The following LSM5 variants were observed in gnomAD, a reference collection of about 807,000 sequenced individuals.
LSM5 encodes the protein LSM5 homolog, U6 small nuclear RNA and mRNA degradation associated.
LSM5 carries 8 observed loss-of-function variants against 13.8 expected under a neutral mutation model. The observed-to-expected ratio is 0.58, with a 90% CI of 0.34 to 1.04. The LOEUF is 1.04. LSM5 is among the 50% of genes least tolerant of loss of function. The pLI, the probability that LSM5 is intolerant of heterozygous loss-of-function variation, is 0.03. For missense variants in LSM5, 80 were observed against 108.1 expected, an observed-to-expected ratio of 0.74 and a Z score of 1.15; for synonymous variants, 35 against 37.0, an observed-to-expected ratio of 0.95 and a Z score of 0.20.
chr7:32,492,234 T>C (rs752811825), upstream of LSM5, among the ~76,000 whole-genome samples: 1 of 152,138 alleles, frequency 6.6e-6, no homozygotes, highest in Non-Finnish European at 1.5e-5. Flanking sequence ...TTTTAAAAAT[T>C]AGAAAAATAG....
chr7:32,489,640 C>T (rs1786527307), intron 1 of LSM5: 3 of 328,686 alleles, frequency 9.1e-6, no homozygotes, highest in African/African-American at 2.2e-5. Flanking sequence ...ATTATATTCA[C>T]CGGAAACTCT....
At position 32,485,850 on chromosome 7, in the gene LSM5, G is replaced by T. The variant is rs543540749; in HGVS notation, c.*1411C>A. 11 of 151,866 alleles carry T rather than the reference G, an allele frequency of 7.2e-5. No homozygotes were observed. Among genetic ancestry groups the T allele is most frequent in the African/African-American group, 2.2e-4 (9 of 41,332 alleles). 9.4% of individuals were successfully genotyped at this position (151,866 alleles called of 1,614,324 possible). On this transcript the variant is annotated 3_prime_UTR_variant, in exon 5 of 5. Coordinates refer to ENST00000450169, the MANE Select transcript of LSM5 (RefSeq NM_012322.3). ...GGACAATCACTTGAACCTGGGAGGC[G>T]GAGGTCGCGTTGATATCGCGACAAG...
In LSM5 at chr7:32,485,351, G is replaced by A. The variant is rs1310824241; in HGVS notation, c.*1910C>T. Reference sequence around the variant, plus strand: ...GAAAACATAAAGTGCCCAAAGAAAAGTATAATCAAAGCAAAGGTTTTCCAA... The same window carrying A: ...GAAAACATAAAGTGCCCAAAGAAAAATATAATCAAAGCAAAGGTTTTCCAA... On this transcript the variant is annotated 3_prime_UTR_variant, in exon 5 of 5. Transcript: ENST00000450169. 3 of 152,158 alleles carry A rather than the reference G, an allele frequency of 2.0e-5. No individual in the cohort carries two copies. Among genetic ancestry groups the A allele is most frequent in the Non-Finnish European group, 4.4e-5 (3 of 68,014 alleles). The allele number at this position is 152,158 out of a possible 1,614,324, so 9.4% of individuals were successfully genotyped here.
In LSM5 at chr7:32,487,698, T is replaced by C; in HGVS notation, c.230A>G (p.Asn77Ser). Residue 77 changes from asparagine (N) to serine (S), a missense_variant, in exon 4 of 5, where the codon AAT becomes AGT. Coordinates refer to ENST00000450169, the MANE Select transcript of LSM5 (RefSeq NM_012322.3). The part of the protein sequence containing the change: ...TKLDQILLNG[N>S]NITMLVPGGE... Reference sequence around the variant, plus strand: ...AATGTGTCTTACCATTGTTATATTATTTCCATTTAGCAAAATCTGATCTAA... The same window carrying C: ...AATGTGTCTTACCATTGTTATATTACTTCCATTTAGCAAAATCTGATCTAA... 6.6e-7 allele frequency: 1 copy of C among 1,514,200 alleles called. No homozygotes were observed. The highest frequency in any genetic ancestry group is 9.2e-7 in the Non-Finnish European group (1 of 1,089,806). The allele number at this position is 1,514,200 out of a possible 1,614,324, so 93.8% of individuals were successfully genotyped here.
chr7:32,487,929 T>C, intron 3 of LSM5, 172 bp from the exon 4 acceptor site: 2 of 547,302 alleles, frequency 3.7e-6, no homozygotes, highest in Non-Finnish European at 6.6e-6. Flanking sequence ...AATGTAACCT[T>C]CATTAAAAGC....
chr7:32,490,550 C>T, upstream of LSM5: 1 of 610,028 alleles, frequency 1.6e-6, no homozygotes, highest in South Asian at 1.9e-5. Flanking sequence ...ATATTTCCTG[C>T]CCACTGGACA....
At chr7:32,487,641 A>T (rs371357171) in intron 4 of LSM5, 44 bp downstream of exon 4, 3 of 1,065,512 alleles carry the variant, frequency 2.8e-6, no homozygotes, top group Non-Finnish European at 4.4e-6. Context: ...CTGCTCCCCA[A>T]AAATGGGCTC....
At chr7:32,490,198 C>G (rs748542442) in intron 1 of LSM5, 122 bp downstream of exon 1, 7 of 1,580,540 alleles carry the variant, frequency 4.4e-6, no homozygotes, top group Admixed American at 3.6e-5. Context: ...AGCTCAGAGT[C>G]GAACCGCATT....
At chr7:32,488,507 C>G in intron 3 of LSM5, 118 bp downstream of exon 3, 1 of 730,434 alleles carries the variant, frequency 1.4e-6, no homozygotes, top group Admixed American at 2.3e-5. Context: ...GATAAAACGT[C>G]TATCTTTAAC....
At position 32,487,028 on chromosome 7, in the gene LSM5, A is replaced by T. The variant is rs190168591; in HGVS notation, c.*233T>A. On this transcript the variant is annotated 3_prime_UTR_variant, in exon 5 of 5. Coordinates refer to ENST00000450169, the MANE Select transcript of LSM5 (RefSeq NM_012322.3). ...TGGCTACTGCAGTAGAATAAACAAA[A>T]TGACAGTTAACCAAAAACACCTTTA... 4.1e-5 allele frequency: 23 copies of T among 559,712 alleles called. No homozygotes were observed. In the East Asian group the frequency reaches 7.1e-4, roughly 17 times the overall value. The allele number at this position is 559,712 out of a possible 1,614,324, so 34.7% of individuals were successfully genotyped here.
chr7:32,488,039 G>GT, intron 3 of LSM5: 3 of 227,078 alleles, frequency 1.3e-5, no homozygotes, highest in Middle Eastern at 1.3e-3. Context: ...GAAATGAAAT[G>GT]TTTTTTGGGT....
Position 32,487,126 on chromosome 7 carries a change from C to T in LSM5, c.*135G>A, listed in dbSNP as rs548747106. 269 of 721,316 alleles carry T rather than the reference C, an allele frequency of 3.7e-4. 2 individuals are homozygous for T. In the South Asian group the frequency reaches 4.2e-3, roughly 11 times the overall value. The allele number at this position is 721,316 out of a possible 1,614,324, so 44.7% of individuals were successfully genotyped here. On this transcript the variant is annotated 3_prime_UTR_variant, in exon 5 of 5. Transcript: ENST00000450169. ...CATGATTAACTTACAAAAATGGGTACACATCTTCAAAGCACTTCCCTTTAA... is the reference window on the plus strand; with the variant it reads ...CATGATTAACTTACAAAAATGGGTATACATCTTCAAAGCACTTCCCTTTAA...
chr7:32,489,954 C>T (rs1786538424), intron 1 of LSM5: 2 of 1,089,218 alleles, frequency 1.8e-6, no homozygotes, highest in East Asian at 1.0e-4. Context: ...TGTCACTAAC[C>T]AACCACATAC....
chr7:32,490,049 A>C, intron 1 of LSM5: 9 of 1,432,584 alleles, frequency 6.3e-6, no homozygotes, highest in Non-Finnish European at 6.5e-6. Context: ...AGGCGGGCTC[A>C]CAACAAAGTA....
intron 2 of LSM5, among the ~76,000 whole-genome samples, chr7:32,488,860 A>T (rs1786508327): frequency 6.6e-6 from 1 of 152,122 alleles, no homozygotes. Context: ...GATTAGCTGG[A>T]CCCACAGGTG....
Position 32,485,863 on chromosome 7 carries a change from A to AT in LSM5, c.*1397dup, listed in dbSNP as rs1583460724. On this transcript the variant is annotated 3_prime_UTR_variant, in exon 5 of 5. Coordinates refer to ENST00000450169, the MANE Select transcript of LSM5 (RefSeq NM_012322.3). ...AACCTGGGAGGCGGAGGTCGCGTTG[A>AT]TATCGCGACAAGGCACACCAGCCTG... 6.6e-6 allele frequency: 1 copy of AT among 150,376 alleles called. No homozygotes were observed. Among genetic ancestry groups the AT allele is most frequent in the African/African-American group, 2.4e-5 (1 of 40,852 alleles). The allele number at this position is 150,376 out of a possible 1,614,324, so 9.3% of individuals were successfully genotyped here.
chr7:32,487,399 T>C, intron 4 of LSM5, 106 bp from the exon 5 acceptor site: 1 of 784,788 alleles, frequency 1.3e-6, no homozygotes, highest in Non-Finnish European at 2.2e-6. Flanking sequence ...CACTCCACGT[T>C]CCCATTTTCT....
rs760366009 is a variant in LSM5 at position 32,488,606 on chromosome 7, A to G, written c.170+19T>C. 2.0e-5 allele frequency: 31 copies of G among 1,568,828 alleles called. No homozygotes were observed. The highest frequency in any genetic ancestry group is 1.7e-4 in the Middle Eastern group (1 of 6,008). ...TTTAATTAAGAAGAGATTCCCCCCA[A>G]TTCTTTAACACTACTCACAACTCAG... is the stretch of plus-strand genomic sequence containing the variant. On this transcript the variant is annotated intron_variant, in intron 3 of 4. Coordinates refer to ENST00000450169, the MANE Select transcript of LSM5 (RefSeq NM_012322.3).
upstream of LSM5, among the ~76,000 whole-genome samples, chr7:32,492,189 G>A (rs1786609841): frequency 6.6e-6 from 1 of 151,766 alleles, no homozygotes; most frequent in Admixed American, 6.6e-5. Context: ...TGACAGTATG[G>A]GAGAATTCAA....
Sources: allele counts gnomAD v4.1 joint callset (sites outside exome capture counted in the v4.1 genomes callset), GRCh38; gene constraint gnomAD v4.1.1; transcripts MANE v1.5; gene names NCBI Gene and HGNC (gene_info 2026-07-23, HGNC 2026-07-21).